Variants in SEC14L1 observed in about 807,000 individuals in gnomAD.
The protein encoded by SEC14L1 is SEC14 like lipid binding 1, also known as SEC14-like protein 1.
In SEC14L1, 48 loss-of-function variants were observed where a neutral mutation model predicts 85.3. The observed-to-expected ratio is 0.56, with a 90% CI of 0.45 to 0.72. The LOEUF is 0.72. Ranked by LOEUF, SEC14L1 falls within the 30% of genes least tolerant of loss-of-function variation. The pLI is 0.00. For synonymous variants in SEC14L1, 391 were observed against 355.5 expected, an observed-to-expected ratio of 1.10 and a Z score of -1.12; for missense variants, 682 against 921.4, an observed-to-expected ratio of 0.74 and a Z score of 3.36.
At chr17:77,204,867 G>C (rs1300645376) in intron 10 of SEC14L1, among the ~76,000 whole-genome samples, 1 of 152,182 alleles carries the variant, frequency 6.6e-6, no homozygotes, top group African/African-American at 2.4e-5. Flanking sequence ...AGGATCGCTT[G>C]AGCCATGCCT....
intron 8 of SEC14L1, among the ~76,000 whole-genome samples, chr17:77,196,536 T>C (rs1011766838): frequency 6.6e-6 from 1 of 152,260 alleles, no homozygotes; most frequent in Non-Finnish European, 1.5e-5. Context: ...GAGCAAGGTC[T>C]GGCTACAAAC....
chr17:77,151,941 A>G (rs901746675), intron 3 of SEC14L1, among the ~76,000 whole-genome samples: 1 of 152,224 alleles, frequency 6.6e-6, no homozygotes, highest in East Asian at 1.9e-4. Context: ...ATTTGTTGAC[A>G]AATACTTCAG....
Position 77,160,663 on chromosome 17 carries a change from C to G in SEC14L1, c.63+17004C>G, listed in dbSNP as rs184711315. Among the ~76,000 whole-genome samples the G allele has an allele frequency of 8.2e-4, 125 of 152,236 alleles. 1 individual carries two copies. The highest frequency in any genetic ancestry group is 3.0e-3 in the African/African-American group (123 of 41,532). ...GATTTGTATTTAAAGATGTGTATAC[C>G]TCCATTTTTTTCTAACTAGTGTCTT... On this transcript the variant is annotated intron_variant, in intron 3 of 16. Transcript: ENST00000436233.
chr17:77,213,883 G>A lies in SEC14L1; in HGVS notation c.2043-35G>A, dbSNP rs991469900. ...GGGCCGGCGGGTGGTTGGCAGGGTGGTCCTCACGCCTCGCCCCTCCCTGTG... is the reference window on the plus strand; with the variant it reads ...GGGCCGGCGGGTGGTTGGCAGGGTGATCCTCACGCCTCGCCCCTCCCTGTG... On this transcript the variant is annotated intron_variant, in intron 16 of 16. Coordinates refer to ENST00000436233, the MANE Select transcript of SEC14L1 (RefSeq NM_001143998.2). The surrounding 1 kb of genome is among the most constrained non-coding windows in gnomAD (Gnocchi z 7.1). 1.2e-6 allele frequency: 2 copies of A among 1,608,886 alleles called. No individual in the cohort carries two copies. The highest frequency in any genetic ancestry group is 2.7e-5 in the African/African-American group (2 of 74,860).
chr17:77,170,824 GA>G (rs1281666610), intron 3 of SEC14L1, among the ~76,000 whole-genome samples: 1 of 152,174 alleles, frequency 6.6e-6, no homozygotes, highest in African/African-American at 2.4e-5. Flanking sequence ...GTGCTTGAGT[GA>G]GCCCTTTAAT....
intron 3 of SEC14L1, among the ~76,000 whole-genome samples, chr17:77,121,782 A>G (rs1265162785): frequency 6.6e-6 from 1 of 152,210 alleles, no homozygotes; most frequent in African/African-American, 2.4e-5. Context: ...GTGAATCAGG[A>G]GCTGGGACTC....
intron 3 of SEC14L1, among the ~76,000 whole-genome samples, chr17:77,131,017 A>T (rs1422627610): frequency 2.0e-5 from 3 of 152,218 alleles, no homozygotes; most frequent in African/African-American, 7.2e-5. Context: ...AAAATTAGTG[A>T]CGATGGTACC....
At chr17:77,191,416 G>A (rs796112149) in intron 5 of SEC14L1, 104 bp downstream of exon 5, 1 of 1,262,038 alleles carries the variant, frequency 7.9e-7, no homozygotes, top group Non-Finnish European at 1.1e-6. Flanking sequence ...TTAGAGGGCA[G>A]TTCTTCATTA....
chr17:77,129,648 C>T (rs1972555791), intron 3 of SEC14L1, among the ~76,000 whole-genome samples: 1 of 152,090 alleles, frequency 6.6e-6, no homozygotes, highest in Non-Finnish European at 1.5e-5. Context: ...CTGATGACCC[C>T]TGTGTGTCTT....
At chr17:77,089,663 C>T (rs951675845) in intron 2 of SEC14L1, 3 of 347,266 alleles carry the variant, frequency 8.6e-6, no homozygotes, top group Non-Finnish European at 1.7e-5. Flanking sequence ...AGTCATGGCC[C>T]TTGTTCTCTG....
chr17:77,196,385 C>T (rs1044756550), intron 8 of SEC14L1, 74 bp downstream of exon 8: 1 of 873,588 alleles, frequency 1.1e-6, no homozygotes. Context: ...CTGTCATAGT[C>T]ACCAAGAGTG....
chr17:77,098,991 G>A (rs990058849), intron 3 of SEC14L1: 1 of 152,104 alleles, frequency 6.6e-6, no homozygotes, highest in African/African-American at 2.4e-5. Flanking sequence ...ATTTGAAATA[G>A]TTATTTGTTG....
intron 3 of SEC14L1, among the ~76,000 whole-genome samples, chr17:77,127,579 A>G (rs1360196782): frequency 6.6e-6 from 1 of 151,712 alleles, no homozygotes; most frequent in Non-Finnish European, 1.5e-5. Flanking sequence ...CGAACTTCCG[A>G]CCACAGGTAA....
chr17:77,102,994 A>G (rs542182369), intron 3 of SEC14L1, among the ~76,000 whole-genome samples: 98 of 151,994 alleles, frequency 6.4e-4, no homozygotes, highest in Admixed American at 1.7e-3. Flanking sequence ...TTTTAGTAGA[A>G]GCGAGGTCTC....
At position 77,213,739 on chromosome 17, in the gene SEC14L1, G is replaced by A; in HGVS notation, c.2043-179G>A. 1.1e-6 allele frequency: 1 copy of A among 898,542 alleles called. No homozygotes were observed. Among genetic ancestry groups the A allele is most frequent in the South Asian group, 1.4e-5 (1 of 71,588 alleles). 55.7% of individuals were successfully genotyped at this position (898,542 alleles called of 1,614,324 possible). ...TAGCTCACACTGCCGTCTGCGTGCA[G>A]GCTGTGGGAAGCCGGTCCCCCTGGT... On this transcript the variant is annotated intron_variant, in intron 16 of 16. Coordinates refer to ENST00000436233, the MANE Select transcript of SEC14L1 (RefSeq NM_001143998.2). This position sits in a 1 kb window ranked among gnomAD's most constrained non-coding sequence, Gnocchi z 7.1.
intron 3 of SEC14L1, among the ~76,000 whole-genome samples, chr17:77,171,850 C>G (rs1353459358): frequency 6.6e-6 from 1 of 152,084 alleles, no homozygotes; most frequent in Non-Finnish European, 1.5e-5. Flanking sequence ...CCTCGATTTC[C>G]TTCTTTTGAC....
chr17:77,158,753 A>C (rs1467919927), intron 3 of SEC14L1, among the ~76,000 whole-genome samples: 1 of 137,524 alleles, frequency 7.3e-6, no homozygotes, highest in Non-Finnish European at 1.5e-5. Context: ...TGTTGTCTGT[A>C]CTATACATTT....
intron 14 of SEC14L1, chr17:77,211,743 G>A: frequency 1.6e-6 from 1 of 626,878 alleles, no homozygotes; most frequent in South Asian, 1.9e-5. Context: ...AGAACACAGA[G>A]CTTGGTGCAT....
chr17:77,200,406 C>G, intron 8 of SEC14L1, 78 bp from the exon 9 acceptor site: 1 of 1,141,994 alleles, frequency 8.8e-7, no homozygotes, highest in Admixed American at 2.0e-5. Context: ...TGAGCTCAAG[C>G]GATCCGTCCA....
Sources: gnomAD v4.1 joint callset for allele counts (sites outside exome capture counted in the v4.1 genomes callset) on GRCh38, gnomAD v4.1.1 for gene constraint, Gnocchi (gnomAD v3.1) non-coding constraint, MANE v1.5 for transcripts, NCBI Gene and HGNC (gene_info 2026-07-23, HGNC 2026-07-21) for gene names.